Variants in NIBAN1 observed in about 807,000 individuals in gnomAD.
The protein encoded by NIBAN1 is niban apoptosis regulator 1, also known as protein Niban 1.
Under a neutral mutation model 75.1 loss-of-function variants are expected in NIBAN1, and 81 were observed. The observed-to-expected ratio is 1.08, with a 90% confidence interval of 0.90 to 1.30. The LOEUF is 1.30. NIBAN1 is among the 50% of genes most tolerant of loss of function. The pLI is 0.00. For synonymous variants in NIBAN1, 436 were observed against 424.8 expected (o/e 1.03, Z -0.32); for missense variants, 1,133 against 1,128.1 (o/e 1.00, Z -0.06).
intron 12 of NIBAN1, 22 bp downstream of exon 12, chr1:184,803,563 T>G: frequency 1.9e-6 from 3 of 1,596,800 alleles, no homozygotes; most frequent in Non-Finnish European, 2.6e-6. Context: ...AGCAAGCTCT[T>G]TAGGGTAACT....
At chr1:184,829,546 A>T (rs1330241347) in intron 6 of NIBAN1, among the ~76,000 whole-genome samples, 2 of 143,902 alleles carry the variant, frequency 1.4e-5, no homozygotes, top group Non-Finnish European at 3.0e-5. Context: ...GGCTCACTGC[A>T]ACCTCCGCCT....
intron 1 of NIBAN1, among the ~76,000 whole-genome samples, chr1:184,933,433 C>T (rs1484357975): frequency 6.6e-6 from 1 of 152,214 alleles, no homozygotes; most frequent in African/African-American, 2.4e-5. Flanking sequence ...ATCTCTTCTT[C>T]CTTTTAAACC....
chr1:184,960,022 T>C (rs182027080), intron 1 of NIBAN1, among the ~76,000 whole-genome samples: 11 of 152,340 alleles, frequency 7.2e-5, no homozygotes, highest in African/African-American at 2.2e-4. Flanking sequence ...TAATTTTTTT[T>C]ATATTGCCTC....
chr1:184,894,311 C>T lies in NIBAN1; in HGVS notation c.187-105G>A. On this transcript the variant is annotated intron_variant, in intron 2 of 13. Transcript: ENST00000367511. ...AAGGAATAGTTTAGGAAACTATCTT[C>T]CACTGAGATCCTGGGGAAACTGTTG... is the stretch of plus-strand genomic sequence containing the variant. 3 of 1,221,244 alleles carry T rather than the reference C, an allele frequency of 2.5e-6. No individual in the cohort carries two copies. In the South Asian group the frequency reaches 5.3e-5, roughly 22 times the overall value. 75.7% of individuals were successfully genotyped at this position (1,221,244 alleles called of 1,614,324 possible).
intron 1 of NIBAN1, among the ~76,000 whole-genome samples, chr1:184,956,398 A>G (rs908343271): frequency 2.0e-5 from 3 of 152,170 alleles, no homozygotes; most frequent in Admixed American, 6.5e-5. Context: ...ATGGAGGAAA[A>G]GAACACCTGT....
At chr1:184,864,627 T>TAA (rs937852829) in intron 5 of NIBAN1, among the ~76,000 whole-genome samples, 1 of 150,060 alleles carries the variant, frequency 6.7e-6, no homozygotes, top group Non-Finnish European at 1.5e-5. Flanking sequence ...AAGGTGACTG[T>TAA]AAAAAAAAAT....
chr1:184,851,916 C>A (rs1218032642), intron 5 of NIBAN1, among the ~76,000 whole-genome samples: 1 of 151,616 alleles, frequency 6.6e-6, no homozygotes, highest in Non-Finnish European at 1.5e-5. Flanking sequence ...TGGTCCTGGG[C>A]AGTTTGCCTC....
chr1:184,879,097 G>C (rs1007951463), intron 5 of NIBAN1, among the ~76,000 whole-genome samples: 1 of 152,144 alleles, frequency 6.6e-6, no homozygotes, highest in Non-Finnish European at 1.5e-5. Context: ...CACTTTTAAA[G>C]AATTTTGCTT....
At chr1:184,825,025 T>C (rs1654806763) in intron 6 of NIBAN1, among the ~76,000 whole-genome samples, 1 of 152,234 alleles carries the variant, frequency 6.6e-6, no homozygotes, top group Non-Finnish European at 1.5e-5. Flanking sequence ...CAGAGACCTG[T>C]TGGGACCTGA....
chr1:184,921,802 AT>A (rs1322517379), intron 1 of NIBAN1, among the ~76,000 whole-genome samples: 1 of 152,240 alleles, frequency 6.6e-6, no homozygotes, highest in Non-Finnish European at 1.5e-5. Context: ...TTTCAGGAAC[AT>A]TCAAATGGTT....
rs150900409 is a variant in NIBAN1, at chr1:184,852,182, T to C, written c.602-20220A>G. ...TTTTCTTCTCCTGAAAGATATTGTT[T>C]GGTGTGGTTTACTCAGAAGAGATCT... On this transcript the variant is annotated intron_variant, in intron 5 of 13. Transcript: ENST00000367511. Among the ~76,000 whole-genome samples, 288 of 152,316 alleles carry C rather than the reference T, an allele frequency of 1.9e-3. 1 individual carries two copies. The highest frequency in any genetic ancestry group is 6.7e-3 in the African/African-American group (278 of 41,572).
At chr1:184,940,776 C>A (rs1658070256) in intron 1 of NIBAN1, among the ~76,000 whole-genome samples, 1 of 152,216 alleles carries the variant, frequency 6.6e-6, no homozygotes, top group East Asian at 1.9e-4. Flanking sequence ...ACTCTGCATT[C>A]TCAGTTAATA....
intron 1 of NIBAN1, among the ~76,000 whole-genome samples, chr1:184,912,079 G>A (rs1657256122): frequency 6.6e-6 from 1 of 151,944 alleles, no homozygotes; most frequent in South Asian, 2.1e-4. Context: ...TATTATCCAT[G>A]TGTTCAAGCT....
chr1:184,910,367 G>A (rs997881204), intron 1 of NIBAN1, among the ~76,000 whole-genome samples: 1 of 152,086 alleles, frequency 6.6e-6, no homozygotes, highest in African/African-American at 2.4e-5. Flanking sequence ...GACCTCTAGA[G>A]CTGGATGGGA....
Position 184,795,547 on chromosome 1 carries a change from G to A in NIBAN1, c.2217C>T (p.His739=), listed in dbSNP as rs35545276. 0.063 allele frequency: 102,102 copies of A among 1,614,034 alleles called. 3,580 individuals carry two copies. Among genetic ancestry groups the A allele is most frequent in the Non-Finnish European group, 0.069 (81,597 of 1,180,014 alleles). Residue 739 remains histidine, a synonymous_variant, in exon 14 of 14, where the codon CAC becomes CAT. Transcript: ENST00000367511. ...VMEEDTNGES[H]VPQENEEEEE... ...CTTCTTCTTCATTTTCTTGGGGAAC[G>A]TGGCTCTCCCCATTCGTATCTTCTT...
intron 1 of NIBAN1, among the ~76,000 whole-genome samples, chr1:184,906,459 C>A (rs187133736): frequency 6.6e-6 from 1 of 151,842 alleles, no homozygotes; most frequent in Admixed American, 6.6e-5. Flanking sequence ...GGAGAAACCC[C>A]GTCCCTACTA....
At chr1:184,807,050 G>T (rs922296390) in intron 10 of NIBAN1, among the ~76,000 whole-genome samples, 1 of 152,144 alleles carries the variant, frequency 6.6e-6, no homozygotes. Flanking sequence ...GATTACAGGC[G>T]TGAGCCACTG....
intron 8 of NIBAN1, among the ~76,000 whole-genome samples, chr1:184,821,819 G>A (rs1654710692): frequency 6.6e-6 from 1 of 152,172 alleles, no homozygotes; most frequent in Admixed American, 6.5e-5. Flanking sequence ...ATACTCTGAG[G>A]TTAATGTAGA....
At chr1:184,906,639 A>AAATAAT in intron 1 of NIBAN1, among the ~76,000 whole-genome samples, 1 of 152,204 alleles carries the variant, frequency 6.6e-6, no homozygotes, top group South Asian at 2.1e-4. Context: ...TCAAAAAAGA[A>AAATAAT]AATAATAATA....
Sources: gnomAD v4.1 joint callset for allele counts (sites outside exome capture counted in the v4.1 genomes callset) on GRCh38, gnomAD v4.1.1 for gene constraint, MANE v1.5 for transcripts, NCBI Gene and HGNC (gene_info 2026-07-23, HGNC 2026-07-21) for gene names.